Variants in ZNF717 observed in about 807,000 individuals in gnomAD.
ZNF717 encodes krueppel-like factor X17.
A neutral mutation model predicts 13.8 loss-of-function variants in ZNF717; 9 were observed. The ratio of observed to expected loss-of-function variants is 0.65; its 90% CI spans 0.39 to 1.14. The LOEUF (loss-of-function observed/expected upper bound fraction) is 1.14. Among genes scored for constraint, ZNF717 ranks in the 50% most tolerant of loss-of-function variants. ZNF717 has a pLI of 0.01. For missense variants in ZNF717, 1,040 were observed against 1,080.7 expected, an observed-to-expected ratio of 0.96 and a Z score of 0.53; for synonymous variants, 327 against 364.1, an observed-to-expected ratio of 0.90 and a Z score of 1.16.
chr3:75,703,822 T>G (rs1937744930), intron 6 of ZNF717, among the ~76,000 whole-genome samples: 2 of 152,312 alleles, frequency 1.3e-5, no homozygotes, highest in Non-Finnish European at 2.9e-5. Flanking sequence ...TTAACAAACA[T>G]GACCAGAATA....
downstream of ZNF717, among the ~76,000 whole-genome samples, chr3:75,729,040 G>A (rs1213161830): frequency 6.7e-6 from 1 of 149,926 alleles, no homozygotes; most frequent in East Asian, 2.0e-4. Context: ...TGTGTCAGGT[G>A]GGCAGAGGGG....
At chr3:75,769,178 T>A (rs1943716918) in intron 2 of ZNF717, among the ~76,000 whole-genome samples, 1 of 152,044 alleles carries the variant, frequency 6.6e-6, no homozygotes, top group Non-Finnish European at 1.5e-5. Flanking sequence ...ACAGGAGAAA[T>A]GCTCTGGGAC....
At chr3:75,757,341 T>C (rs1393445594) in intron 2 of ZNF717, among the ~76,000 whole-genome samples, 1 of 152,210 alleles carries the variant, frequency 6.6e-6, no homozygotes, top group African/African-American at 2.4e-5. Flanking sequence ...CCAATGATGA[T>C]TTACTATTCT....
At chr3:75,715,512 T>C (rs1430878427) in intron 5 of ZNF717, among the ~76,000 whole-genome samples, 1 of 152,258 alleles carries the variant, frequency 6.6e-6, no homozygotes, top group Non-Finnish European at 1.5e-5. Context: ...CTAGTTATTT[T>C]TCTCTTATAT....
At chr3:75,782,209 T>A (rs1559700179) in intron 2 of ZNF717, among the ~76,000 whole-genome samples, 3 of 152,120 alleles carry the variant, frequency 2.0e-5, no homozygotes, top group Admixed American at 1.3e-4. Context: ...TTAGAAGAAA[T>A]AAGTTAGGAC....
chr3:75,703,975 C>T (rs1479911941), intron 6 of ZNF717, among the ~76,000 whole-genome samples: 4 of 152,268 alleles, frequency 2.6e-5, no homozygotes, highest in East Asian at 1.9e-4. Context: ...TTCCACCAAG[C>T]CTGAAAAATG....
chr3:75,718,879 G>A (rs1417534164), intron 4 of ZNF717, among the ~76,000 whole-genome samples: 4 of 152,174 alleles, frequency 2.6e-5, no homozygotes, highest in Non-Finnish European at 5.9e-5. Flanking sequence ...ATGGCCCAGG[G>A]ATGGGGACCA....
chr3:75,715,241 T>C (rs1171531132), intron 5 of ZNF717, among the ~76,000 whole-genome samples: 2 of 152,230 alleles, frequency 1.3e-5, no homozygotes, highest in African/African-American at 2.4e-5. Flanking sequence ...TGGGACTCAA[T>C]AAATTGTATA....
At chr3:75,776,225 G>C (rs574667056) in intron 2 of ZNF717, among the ~76,000 whole-genome samples, 4 of 152,254 alleles carry the variant, frequency 2.6e-5, no homozygotes, top group African/African-American at 9.6e-5. Flanking sequence ...TCATGGAAAA[G>C]AGAAAATGAT....
intron 2 of ZNF717, among the ~76,000 whole-genome samples, chr3:75,743,371 CCACAGATGCAAAACCCATGG>C (rs1488898041): frequency 2.0e-5 from 3 of 152,184 alleles, no homozygotes; most frequent in African/African-American, 7.2e-5. Context: ...TTGGCTGAAT[CCACAGATGCAAAACCCATGG>C]ATACAAAAGG....
downstream of ZNF717, among the ~76,000 whole-genome samples, chr3:75,709,144 T>A (rs78982443): frequency 6.6e-6 from 1 of 151,054 alleles, no homozygotes; most frequent in Non-Finnish European, 1.5e-5. Flanking sequence ...AATTACAGGC[T>A]CATGCCACCA....
At chr3:75,700,829 C>A (rs113950891) in intron 6 of ZNF717, among the ~76,000 whole-genome samples, 1 of 128,080 alleles carries the variant, frequency 7.8e-6, no homozygotes, top group African/African-American at 2.9e-5. Flanking sequence ...CTCAAACTAT[C>A]AAATTTTTAC....
Position 75,738,395 on chromosome 3 carries a change from G to A in ZNF717, c.1228C>T (p.Leu410Phe). The change falls in exon 5 of 5, where the codon CTC (leucine) becomes TTC (phenylalanine). Residue 410 changes from leucine (L) to phenylalanine (F), a missense_variant. This residue lies in a region of ZNF717 where 873 missense variants were observed against 832.8 expected (regional missense o/e 1.05). Transcript: ENST00000652011. Reference sequence around the variant, plus strand: ...GTGTGAGTTCTATGATGTATTGTGAGGTATGACTTCTGGCTAAAGGTTTTT... The same window carrying A: ...GTGTGAGTTCTATGATGTATTGTGAAGTATGACTTCTGGCTAAAGGTTTTT... The part of the protein sequence containing the change: ...CGKTFSQKSY[L>F]TIHHRTHTGE... 1.3e-6 allele frequency: 2 copies of A among 1,538,584 alleles called. No homozygotes were observed. The highest frequency in any genetic ancestry group is 1.8e-6 in the Non-Finnish European group (2 of 1,138,108).
intron 2 of ZNF717, among the ~76,000 whole-genome samples, chr3:75,775,851 CAAAAAAA>C (rs56879372): frequency 2.5e-5 from 2 of 79,646 alleles, no homozygotes; most frequent in Non-Finnish European, 3.1e-5. Context: ...GACTCTGTCT[CAAAAAAA>C]AAAAAAAAAA....
intron 2 of ZNF717, among the ~76,000 whole-genome samples, chr3:75,744,065 A>G (rs2107247424): frequency 6.6e-6 from 1 of 152,400 alleles, no homozygotes; most frequent in Non-Finnish European, 1.5e-5. Flanking sequence ...AAACAAGTAC[A>G]GAATCTACAG....
chr3:75,763,186 T>C (rs1189396980), intron 2 of ZNF717, among the ~76,000 whole-genome samples: 1 of 152,142 alleles, frequency 6.6e-6, no homozygotes, highest in Non-Finnish European at 1.5e-5. Flanking sequence ...CAAAAACATA[T>C]CAAACCTAAA....
intron 5 of ZNF717, among the ~76,000 whole-genome samples, chr3:75,714,140 C>T (rs1236569122): frequency 6.6e-6 from 1 of 152,094 alleles, no homozygotes; most frequent in Non-Finnish European, 1.5e-5. Flanking sequence ...GGGAGATGGT[C>T]AGGCCTCCGG....
At chr3:75,750,632 G>A (rs950639050) in intron 2 of ZNF717, among the ~76,000 whole-genome samples, 1 of 150,936 alleles carries the variant, frequency 6.6e-6, no homozygotes, top group Non-Finnish European at 1.5e-5. Flanking sequence ...ACTGCTGCTG[G>A]AGTCTGAGTG....
chr3:75,725,837 C>T (rs1421289936), downstream of ZNF717, among the ~76,000 whole-genome samples: 2 of 152,192 alleles, frequency 1.3e-5, no homozygotes, highest in Non-Finnish European at 2.9e-5. Flanking sequence ...ATTATGGGAA[C>T]AACAATTCGA....
Sources: allele counts gnomAD v4.1 joint callset (sites outside exome capture counted in the v4.1 genomes callset), GRCh38; gene constraint gnomAD v4.1.1; regional missense constraint gnomAD v4.1.1; transcripts MANE v1.5; gene names NCBI Gene and HGNC (gene_info 2026-07-23, HGNC 2026-07-21).